RNF130: variants seen among roughly 807,000 people sequenced by gnomAD.
The protein encoded by RNF130 is E3 ubiquitin-protein ligase RNF130.
Under a neutral mutation model 44.6 loss-of-function variants are expected in RNF130, and 21 were observed. The ratio of observed to expected loss-of-function variants is 0.47; its 90% CI spans 0.33 to 0.68. The LOEUF (loss-of-function observed/expected upper bound fraction) is 0.68, where lower values mean the gene tolerates loss of function less well. Among genes scored for constraint, RNF130 ranks in the 30% least tolerant of loss-of-function variants. RNF130 has a pLI of 0.02. For missense variants in RNF130, 479 were observed against 560.6 expected, an observed-to-expected ratio of 0.85 and a Z score of 1.47; for synonymous variants, 214 against 210.4, an observed-to-expected ratio of 1.02 and a Z score of -0.15.
Position 179,978,297 on chromosome 5 carries a change from A to C in RNF130, c.766-12T>G. On this transcript the variant is annotated splice_polypyrimidine_tract_variant and intron_variant, in intron 4 of 8. Coordinates refer to ENST00000521389, the MANE Select transcript of RNF130 (RefSeq NM_018434.6). ...TCTGGGTCAGTTTCCTAAAATGAAAAGTACAGAAACAAAAAGTCACACGCT... is the reference window on the plus strand; with the variant it reads ...TCTGGGTCAGTTTCCTAAAATGAAACGTACAGAAACAAAAAGTCACACGCT... 6.2e-7 allele frequency: 1 copy of C among 1,601,410 alleles called. No individual in the cohort carries two copies. Among genetic ancestry groups the C allele is most frequent in the Non-Finnish European group, 8.6e-7 (1 of 1,168,388 alleles).
At chr5:180,069,590 C>G (rs1242747873) in intron 1 of RNF130, among the ~76,000 whole-genome samples, 1 of 152,176 alleles carries the variant, frequency 6.6e-6, no homozygotes, top group Admixed American at 6.5e-5. Flanking sequence ...CTGAGAGATT[C>G]CTCTAGGTTA....
rs568888738 is a variant in RNF130 at position 180,010,141 on chromosome 5, G to A, written c.693+2920C>T. 1.7e-4 allele frequency among the ~76,000 whole-genome samples: 26 copies of A among 151,164 alleles called. No individual in the cohort carries two copies. The East Asian group carries it at 4.1e-3, about 24-fold the overall frequency. On this transcript the variant is annotated intron_variant, in intron 3 of 8. Coordinates refer to ENST00000521389, the MANE Select transcript of RNF130 (RefSeq NM_018434.6). ...AGGCACCTGTAGTCCCAGCTACTCC[G>A]GAGGCTGAGGCAGGAGAATGGCGTG...
At chr5:179,964,589 T>C (rs1762402749) in intron 7 of RNF130, among the ~76,000 whole-genome samples, 1 of 152,256 alleles carries the variant, frequency 6.6e-6, no homozygotes, top group African/African-American at 2.4e-5. Flanking sequence ...GTATACAGCA[T>C]GTGTGTTTCT....
intron 2 of RNF130, among the ~76,000 whole-genome samples, chr5:180,020,283 A>G (rs1446506007): frequency 2.0e-5 from 3 of 152,034 alleles, no homozygotes; most frequent in Non-Finnish European, 2.9e-5. Context: ...AGGACCGCTG[A>G]TGAACGGGGA....
chr5:180,012,729 G>A (rs1451208226), intron 3 of RNF130, among the ~76,000 whole-genome samples: 1 of 152,120 alleles, frequency 6.6e-6, no homozygotes, highest in African/African-American at 2.4e-5. Context: ...CCCCCTCCAA[G>A]TTCCCATTTG....
intron 1 of RNF130, among the ~76,000 whole-genome samples, chr5:180,050,842 C>T (rs2113158817): frequency 6.6e-6 from 1 of 152,324 alleles, no homozygotes; most frequent in Non-Finnish European, 1.5e-5. Context: ...GGGTTTCACT[C>T]TGTCGCCCAG....
chr5:179,933,949 T>G, intron 7 of RNF130: 1 of 442,226 alleles, frequency 2.3e-6, no homozygotes, highest in Non-Finnish European at 4.2e-6. Flanking sequence ...TCTAGATCTT[T>G]GAGCTGCACC....
At chr5:180,037,232 A>G (rs1196095853) in intron 2 of RNF130, among the ~76,000 whole-genome samples, 1 of 152,202 alleles carries the variant, frequency 6.6e-6, no homozygotes, top group Non-Finnish European at 1.5e-5. Context: ...TCGTCCATGC[A>G]CATGTGCGAG....
chr5:180,010,859 C>G (rs1763578196), intron 3 of RNF130, among the ~76,000 whole-genome samples: 1 of 152,082 alleles, frequency 6.6e-6, no homozygotes, highest in African/African-American at 2.4e-5. Context: ...TAAAACTACA[C>G]AGACTAAAGA....
At chr5:179,943,781 T>A (rs1241002229) in intron 7 of RNF130, among the ~76,000 whole-genome samples, 3 of 152,240 alleles carry the variant, frequency 2.0e-5, no homozygotes, top group African/African-American at 7.2e-5. Context: ...CCGCAAAGTA[T>A]ATTTAACAGT....
intron 3 of RNF130, among the ~76,000 whole-genome samples, chr5:180,009,867 G>A (rs935269461): frequency 4.6e-5 from 7 of 152,092 alleles, no homozygotes; most frequent in African/African-American, 9.7e-5. Context: ...TTCAATGAGC[G>A]AGCAATTAAA....
chr5:180,028,422 T>A (rs1166805896), intron 2 of RNF130, among the ~76,000 whole-genome samples: 1 of 152,122 alleles, frequency 6.6e-6, no homozygotes, highest in African/African-American at 2.4e-5. Flanking sequence ...TCCGACTCCC[T>A]CTCCTCTCAC....
At chr5:179,944,604 C>T (rs1561664674) in intron 7 of RNF130, among the ~76,000 whole-genome samples, 1 of 152,000 alleles carries the variant, frequency 6.6e-6, no homozygotes, top group Admixed American at 6.6e-5. Flanking sequence ...AGCCACCATG[C>T]CTGGCTAAAT....
rs948308140 is a variant in RNF130 at position 179,977,278 on chromosome 5, T to C, written c.848+925A>G. ...AAAGCAGGTATCAGTTCTTTCCATT[T>C]TGCATAATCCAGGTTTAGAAAAAGA... On this transcript the variant is annotated intron_variant, in intron 5 of 8. Coordinates refer to ENST00000521389, the MANE Select transcript of RNF130 (RefSeq NM_018434.6). This position sits in a 1 kb window ranked among gnomAD's most constrained non-coding sequence, Gnocchi z 4.1. 4.6e-5 allele frequency: 7 copies of C among 152,296 alleles called. No homozygotes were observed. Among genetic ancestry groups the C allele is most frequent in the African/African-American group, 1.7e-4 (7 of 41,454 alleles). 9.4% of individuals were successfully genotyped at this position (152,296 alleles called of 1,614,324 possible).
rs1395552308 is a variant in RNF130, at chr5:179,945,403, T to G, written c.1150+21403A>C. 4.4e-4 allele frequency among the ~76,000 whole-genome samples: 67 copies of G among 152,126 alleles called. 2 individuals carry two copies. The highest frequency in any genetic ancestry group is 4.4e-3 in the Admixed American group (67 of 15,276). ...CTGAGCAAGGCGTTCCTATCATCAG[T>G]GCTAAAAAGGGCTCTGATGAGCAGT... On this transcript the variant is annotated intron_variant, in intron 7 of 7. Transcript: ENST00000522208.
At chr5:180,029,089 A>G (rs1393195709) in intron 2 of RNF130, among the ~76,000 whole-genome samples, 1 of 152,200 alleles carries the variant, frequency 6.6e-6, no homozygotes, top group African/African-American at 2.4e-5. Flanking sequence ...TAAGATTCAA[A>G]TCCCAATCTT....
downstream of RNF130, among the ~76,000 whole-genome samples, chr5:179,951,346 C>T (rs887810446): frequency 4.6e-5 from 7 of 151,702 alleles, no homozygotes; most frequent in East Asian, 3.9e-4. Context: ...ACCTAACACA[C>T]GTCTACAGAA....
At chr5:180,023,539 CA>C (rs1351830901) in intron 2 of RNF130, among the ~76,000 whole-genome samples, 1 of 151,930 alleles carries the variant, frequency 6.6e-6, no homozygotes, top group Admixed American at 6.6e-5. Flanking sequence ...TAAACTAAAC[CA>C]AAACAAAAAA....
At chr5:179,945,806 T>C (rs983713781) in intron 7 of RNF130, among the ~76,000 whole-genome samples, 1 of 152,102 alleles carries the variant, frequency 6.6e-6, no homozygotes, top group Non-Finnish European at 1.5e-5. Flanking sequence ...TCATCTGTCC[T>C]GGGCAGTGCA....
Sources: gnomAD v4.1 joint callset for allele counts (sites outside exome capture counted in the v4.1 genomes callset) on GRCh38, gnomAD v4.1.1 for gene constraint, Gnocchi (gnomAD v3.1) non-coding constraint, MANE v1.5 for transcripts, NCBI Gene and HGNC (gene_info 2026-07-23, HGNC 2026-07-21) for gene names.